The following ARHGAP18 variants were observed in gnomAD, a reference collection of about 807,000 sequenced individuals.
ARHGAP18 encodes the protein Rho GTPase activating protein 18.
ARHGAP18 carries 67 observed loss-of-function variants against 86.2 expected under a neutral mutation model. The ratio of observed to expected loss-of-function variants is 0.78; its 90% CI spans 0.64 to 0.95. ARHGAP18 has a LOEUF of 0.95. Ranked by LOEUF, ARHGAP18 falls within the 40% of genes least tolerant of loss-of-function variation. The pLI, the probability that ARHGAP18 is intolerant of heterozygous loss-of-function variation, is 0.00. For synonymous variants in ARHGAP18, 283 were observed against 280.4 expected (o/e 1.01, Z -0.09); for missense variants, 691 against 780.4 (o/e 0.89, Z 1.37).
intron 1 of ARHGAP18, among the ~76,000 whole-genome samples, chr6:129,665,327 T>A (rs1254600751): frequency 6.6e-6 from 1 of 152,082 alleles, no homozygotes; most frequent in Non-Finnish European, 1.5e-5. Flanking sequence ...GGTAGATCGC[T>A]TTGAGCTCAC....
chr6:129,699,538 C>T (rs143443560), intron 1 of ARHGAP18, among the ~76,000 whole-genome samples: 38 of 152,268 alleles, frequency 2.5e-4, no homozygotes, highest in Non-Finnish European at 5.3e-4. Context: ...ATCCATTTTC[C>T]TACAGCAATG....
In ARHGAP18 at chr6:129,693,462, C is replaced by A. The variant is rs189485650; in HGVS notation, c.113+16562G>T. Among the ~76,000 whole-genome samples, 636 of 152,226 alleles carry A rather than the reference C, an allele frequency of 4.2e-3. 4 individuals carry two copies. Among genetic ancestry groups the A allele is most frequent in the African/African-American group, 0.013 (551 of 41,530 alleles). On this transcript the variant is annotated intron_variant, in intron 1 of 14. Coordinates refer to ENST00000368149, the MANE Select transcript of ARHGAP18 (RefSeq NM_033515.3). ...GATTACTAATGGGGAGAGAAGAAGG[C>A]CCCAGCCTAGGGCTTTCTCTTCTGC...
chr6:129,648,599 A>C (rs1226206574), intron 1 of ARHGAP18, among the ~76,000 whole-genome samples: 1 of 147,048 alleles, frequency 6.8e-6, no homozygotes, highest in African/African-American at 2.5e-5. Flanking sequence ...AATAAGACAC[A>C]CATCTCTATT....
chr6:129,661,512 GAA>G (rs57799426), intron 1 of ARHGAP18, among the ~76,000 whole-genome samples: 2 of 136,392 alleles, frequency 1.5e-5, no homozygotes, highest in Non-Finnish European at 1.6e-5. Context: ...CTCTTTAAAT[GAA>G]AAAAAAAAAA....
rs577410859 is a variant in ARHGAP18, at chr6:129,583,928, C to T, written c.1838+60G>A. ...AAGGAAGAAGAAGCAGCAGCGAAGG[C>T]GAGAGAGAGAGAGCAAGTGACTTAT... On this transcript the variant is annotated intron_variant, in intron 13 of 14. Transcript: ENST00000368149. The T allele has an allele frequency of 9.0e-5, 131 of 1,451,062 alleles. No homozygotes were observed. In the African/African-American group the frequency reaches 9.3e-4, roughly 10 times the overall value. 89.9% of individuals were successfully genotyped at this position (1,451,062 alleles called of 1,614,324 possible).
intron 1 of ARHGAP18, among the ~76,000 whole-genome samples, chr6:129,667,211 A>C (rs1378797790): frequency 1.3e-5 from 2 of 151,818 alleles, no homozygotes; most frequent in Non-Finnish European, 2.9e-5. Flanking sequence ...TTTTTTTCCC[A>C]TGGAATAATA....
At chr6:129,625,930 ATATTATATATTATATAT>A in intron 5 of ARHGAP18, among the ~76,000 whole-genome samples, 1 of 101,846 alleles carries the variant, frequency 9.8e-6, no homozygotes, top group Non-Finnish European at 1.8e-5. Context: ...AGATATTTAT[ATATTATATATTATATAT>A]TTATATATTA....
At chr6:129,664,620 G>GT (rs1456595538) in intron 1 of ARHGAP18, among the ~76,000 whole-genome samples, 1 of 152,238 alleles carries the variant, frequency 6.6e-6, no homozygotes, top group East Asian at 1.9e-4. Context: ...CAGAGCCTCA[G>GT]TTTCCTCACC....
At chr6:129,625,768 T>C (rs1249347876) in intron 5 of ARHGAP18, among the ~76,000 whole-genome samples, 1 of 38,276 alleles carries the variant, frequency 2.6e-5, no homozygotes, top group African/African-American at 8.1e-5. Flanking sequence ...TTATATATTA[T>C]ATATATTTAT....
At chr6:129,647,896 C>T (rs1264566135) in intron 1 of ARHGAP18, among the ~76,000 whole-genome samples, 2 of 152,086 alleles carry the variant, frequency 1.3e-5, no homozygotes, top group Non-Finnish European at 2.9e-5. Context: ...GTGATAGAAT[C>T]GAGATTAATG....
chr6:129,606,854 C>T (rs778332712), intron 9 of ARHGAP18, among the ~76,000 whole-genome samples: 5 of 149,866 alleles, frequency 3.3e-5, no homozygotes, highest in South Asian at 4.2e-4. Context: ...TGTAGCTCAC[C>T]GCAATTTATT....
intron 1 of ARHGAP18, among the ~76,000 whole-genome samples, chr6:129,669,167 A>T: frequency 6.9e-6 from 1 of 145,398 alleles, no homozygotes; most frequent in African/African-American, 2.6e-5. Flanking sequence ...GGCATCTAAC[A>T]CGCACTTTTT....
chr6:129,668,740 A>G (rs192327136), intron 1 of ARHGAP18, among the ~76,000 whole-genome samples: 73 of 152,210 alleles, frequency 4.8e-4, no homozygotes, highest in African/African-American at 1.7e-3. Context: ...ACTGCAGTGA[A>G]CGTCCTCCAC....
rs71028176 is a variant in ARHGAP18 at position 129,686,978 on chromosome 6, CTTT to C, written c.113+23043_113+23045del. 6.2e-3 allele frequency among the ~76,000 whole-genome samples: 660 copies of C among 106,960 alleles called. 7 individuals are homozygous for C. The highest frequency in any genetic ancestry group is 7.4e-3 in the Non-Finnish European group (392 of 52,772). 70.2% of individuals were successfully genotyped at this position (106,960 alleles called of 152,430 possible). ...GCTAATTTTTTTTTCTTTTTTTTTT[CTTT>C]TTTTTTTTTTTTTTTGTATTTTTGT... On this transcript the variant is annotated intron_variant, in intron 1 of 14. Transcript: ENST00000368149.
chr6:129,583,127 G>A (rs866689190), intron 13 of ARHGAP18, among the ~76,000 whole-genome samples: 3 of 152,158 alleles, frequency 2.0e-5, no homozygotes, highest in African/African-American at 7.2e-5. Flanking sequence ...GTTAGAATGA[G>A]GAGATTAAAT....
chr6:129,625,403 AT>A (rs1789376272), intron 5 of ARHGAP18, among the ~76,000 whole-genome samples: 1 of 59,180 alleles, frequency 1.7e-5, no homozygotes, highest in East Asian at 5.1e-4. Flanking sequence ...ATACATATGT[AT>A]TATATATTAT....
At chr6:129,624,270 C>T (rs1173231540) in intron 5 of ARHGAP18, among the ~76,000 whole-genome samples, 1 of 152,152 alleles carries the variant, frequency 6.6e-6, no homozygotes, top group African/African-American at 2.4e-5. Context: ...GTGGCTCATA[C>T]CTGTAATCCC....
At chr6:129,607,444 C>T (rs1788877045) in intron 9 of ARHGAP18, among the ~76,000 whole-genome samples, 1 of 152,254 alleles carries the variant, frequency 6.6e-6, no homozygotes. Flanking sequence ...GCATGACAAC[C>T]TCAGAATTTA....
intron 1 of ARHGAP18, among the ~76,000 whole-genome samples, chr6:129,705,227 AG>A (rs1223875748): frequency 6.6e-5 from 10 of 152,228 alleles, no homozygotes; most frequent in Non-Finnish European, 1.5e-4. Context: ...TTATGCTTGC[AG>A]AACCAAGGAA....
Sources: gnomAD v4.1 joint callset for allele counts (sites outside exome capture counted in the v4.1 genomes callset) on GRCh38, gnomAD v4.1.1 for gene constraint, MANE v1.5 for transcripts, NCBI Gene and HGNC (gene_info 2026-07-23, HGNC 2026-07-21) for gene names.